Variants in HSD17B12 observed in about 807,000 individuals in gnomAD.
The protein encoded by HSD17B12 is very-long-chain 3-oxoacyl-CoA reductase.
HSD17B12 carries 32 observed loss-of-function variants against 39.3 expected under a neutral mutation model. That is an observed-to-expected ratio of 0.81 (90% CI 0.61 to 1.09). The LOEUF (loss-of-function observed/expected upper bound fraction) is 1.09, where lower values mean the gene tolerates loss of function less well. Ranked by LOEUF, HSD17B12 falls within the 50% of genes least tolerant of loss-of-function variation. The pLI is 0.00. For missense variants in HSD17B12, 342 were observed against 382.9 expected (o/e 0.89, Z 0.89); for synonymous variants, 150 against 146.7 (o/e 1.02, Z -0.16).
At chr11:43,768,679 T>G (rs901003577) in intron 3 of HSD17B12, among the ~76,000 whole-genome samples, 2 of 152,158 alleles carry the variant, frequency 1.3e-5, no homozygotes, top group Admixed American at 6.6e-5. Context: ...TTAAAGGTGG[T>G]GTGGACCCAA....
intron 3 of HSD17B12, among the ~76,000 whole-genome samples, chr11:43,791,928 A>G (rs1950871396): frequency 1.3e-5 from 2 of 152,252 alleles, no homozygotes; most frequent in Admixed American, 1.3e-4. Context: ...GGGTCTCTTC[A>G]TATGAGATTA....
chr11:43,745,186 A>G (rs1381418459), intron 1 of HSD17B12, among the ~76,000 whole-genome samples: 1 of 152,228 alleles, frequency 6.6e-6, no homozygotes, highest in Non-Finnish European at 1.5e-5. Context: ...TAGACCTGGC[A>G]TATTCTGGCC....
intron 1 of HSD17B12, among the ~76,000 whole-genome samples, chr11:43,737,626 T>G (rs1289814397): frequency 6.6e-6 from 1 of 152,234 alleles, no homozygotes; most frequent in Non-Finnish European, 1.5e-5. Context: ...GACCATCATC[T>G]GTACTGTCCC....
At chr11:43,786,568 C>T (rs1035374536) in intron 3 of HSD17B12, among the ~76,000 whole-genome samples, 1 of 152,152 alleles carries the variant, frequency 6.6e-6, no homozygotes, top group Non-Finnish European at 1.5e-5. Context: ...AGAACTACTA[C>T]ATCAAAGTAT....
chr11:43,763,894 T>C (rs1379471230), intron 3 of HSD17B12, among the ~76,000 whole-genome samples: 1 of 151,962 alleles, frequency 6.6e-6, no homozygotes, highest in Non-Finnish European at 1.5e-5. Flanking sequence ...AGATATTATA[T>C]TTAAGTTGAC....
chr11:43,684,247 A>G (rs2134741126), intron 1 of HSD17B12, among the ~76,000 whole-genome samples: 1 of 152,336 alleles, frequency 6.6e-6, no homozygotes, highest in East Asian at 1.9e-4. Flanking sequence ...TTACCCGAAT[A>G]CTTCCTGTAT....
At chr11:43,817,604 G>A (rs1007731980) in intron 6 of HSD17B12, among the ~76,000 whole-genome samples, 1 of 152,060 alleles carries the variant, frequency 6.6e-6, no homozygotes, top group African/African-American at 2.4e-5. Context: ...TGAATAGGGT[G>A]TCCTTTCTCC....
chr11:43,781,418 T>C (rs1396880780), intron 3 of HSD17B12, among the ~76,000 whole-genome samples: 14 of 152,200 alleles, frequency 9.2e-5, no homozygotes, highest in Non-Finnish European at 1.8e-4. Flanking sequence ...GGTCTGTCTT[T>C]TGTTTTAAAA....
At chr11:43,828,387 C>CT (rs1191672288) in intron 6 of HSD17B12, among the ~76,000 whole-genome samples, 3 of 147,740 alleles carry the variant, frequency 2.0e-5, no homozygotes, top group Non-Finnish European at 3.0e-5. Flanking sequence ...CGTGATCCGC[C>CT]GCCTCGGCCT....
chr11:43,831,128 A>C lies in HSD17B12; in HGVS notation c.536+118A>C. ...CTAATGAACCAAGCCTCCATGTCTTAGCCACAGAGTGATGTACCAGGCGAG... is the reference window on the plus strand; with the variant it reads ...CTAATGAACCAAGCCTCCATGTCTTCGCCACAGAGTGATGTACCAGGCGAG... On this transcript the variant is annotated intron_variant, in intron 7 of 10. Coordinates refer to ENST00000278353, the MANE Select transcript of HSD17B12 (RefSeq NM_016142.3). This position sits in a 1 kb window ranked among gnomAD's most constrained non-coding sequence, Gnocchi z 4.1. 1.1e-6 allele frequency: 1 copy of C among 900,330 alleles called. No individual in the cohort carries two copies. Among genetic ancestry groups the C allele is most frequent in the Non-Finnish European group, 1.7e-6 (1 of 587,148 alleles). The allele number at this position is 900,330 out of a possible 1,614,324, so 55.8% of individuals were successfully genotyped here.
chr11:43,729,553 G>A (rs1950250183), intron 1 of HSD17B12, among the ~76,000 whole-genome samples: 1 of 152,104 alleles, frequency 6.6e-6, no homozygotes, highest in South Asian at 2.1e-4. Flanking sequence ...AGAATAAAAA[G>A]CCATGTAAGT....
chr11:43,839,888 A>G, intron 8 of HSD17B12, 111 bp from the exon 9 acceptor site: 1 of 893,324 alleles, frequency 1.1e-6, no homozygotes, highest in Non-Finnish European at 1.8e-6. Context: ...GAAAAAAATG[A>G]TGAGAAATTA....
intron 1 of HSD17B12, among the ~76,000 whole-genome samples, chr11:43,705,503 T>A (rs1002424393): frequency 6.6e-6 from 1 of 152,212 alleles, no homozygotes; most frequent in Non-Finnish European, 1.5e-5. Flanking sequence ...CAGGACTGGC[T>A]ATGAAGTGAG....
chr11:43,572,393 T>C, the HSD17B12 span, among the ~76,000 whole-genome samples: 1 of 152,056 alleles, frequency 6.6e-6, no homozygotes, highest in African/African-American at 2.4e-5. Context: ...TCTGAGAAAG[T>C]CCCAGACACC....
intron 3 of HSD17B12, among the ~76,000 whole-genome samples, chr11:43,792,682 C>CTTTTTTTTT (rs60140879): frequency 4.9e-5 from 5 of 101,296 alleles, no homozygotes; most frequent in Admixed American, 1.1e-4. Context: ...TCAATGTAAC[C>CTTTTTTTTT]TTTTTTTTTT....
the HSD17B12 span, among the ~76,000 whole-genome samples, chr11:43,615,787 C>G: frequency 6.6e-6 from 1 of 152,114 alleles, no homozygotes; most frequent in Non-Finnish European, 1.5e-5. Context: ...TCTAGTATAA[C>G]TGAATAATTT....
chr11:43,759,662 G>A (rs1950539701), intron 3 of HSD17B12, among the ~76,000 whole-genome samples: 1 of 152,136 alleles, frequency 6.6e-6, no homozygotes, highest in Non-Finnish European at 1.5e-5. Flanking sequence ...AGATTGTAGA[G>A]ATGGTGATAT....
chr11:43,615,653 G>T, the HSD17B12 span, among the ~76,000 whole-genome samples: 1 of 152,016 alleles, frequency 6.6e-6, no homozygotes, highest in Admixed American at 6.6e-5. Context: ...TTTTCTCAGG[G>T]GTCACATTTT....
In HSD17B12 at chr11:43,834,039, CATGTT is replaced by C. The variant is rs755445471; in HGVS notation, c.536+3033_536+3037del. On this transcript the variant is annotated intron_variant, in intron 7 of 10. Transcript: ENST00000278353. Reference sequence around the variant, plus strand: ...TGTATTGCTTAAGGTGGAATTATGACATGTTATGGTGTTTTAGGGCAAGTAATTCT... The same window carrying C: ...TGTATTGCTTAAGGTGGAATTATGACATGGTGTTTTAGGGCAAGTAATTCT... 65 of 152,110 alleles carry C rather than the reference CATGTT, an allele frequency of 4.3e-4. 1 individual carries two copies. Among genetic ancestry groups the C allele is most frequent in the Non-Finnish European group, 8.8e-5 (6 of 68,024 alleles). 9.4% of individuals were successfully genotyped at this position (152,110 alleles called of 1,614,324 possible).
Sources: gnomAD v4.1 joint callset for allele counts (sites outside exome capture counted in the v4.1 genomes callset) on GRCh38, gnomAD v4.1.1 for gene constraint, Gnocchi (gnomAD v3.1) non-coding constraint, MANE v1.5 for transcripts, NCBI Gene and HGNC (gene_info 2026-07-23, HGNC 2026-07-21) for gene names.